The following GRIK3 variants were observed in gnomAD, a reference collection of about 807,000 sequenced individuals.
GRIK3 encodes glutamate receptor ionotropic, kainate 3.
Under a neutral mutation model 102.5 loss-of-function variants are expected in GRIK3, and 29 were observed. The observed-to-expected ratio is 0.28, with a 90% CI of 0.21 to 0.39. The LOEUF is 0.39. Among genes scored for constraint, GRIK3 ranks in the 10% least tolerant of loss-of-function variants. The pLI, the probability that GRIK3 is intolerant of heterozygous loss-of-function variation, is 1.00. For synonymous variants in GRIK3, 511 were observed against 504.9 expected, an observed-to-expected ratio of 1.01 and a Z score of -0.16; for missense variants, 908 against 1,252.4, an observed-to-expected ratio of 0.73 and a Z score of 4.15.
intron 1 of GRIK3, among the ~76,000 whole-genome samples, chr1:36,909,153 G>A (rs1203804894): frequency 6.6e-6 from 1 of 152,190 alleles, no homozygotes; most frequent in African/African-American, 2.4e-5. Context: ...ACGTGCTGCA[G>A]CCGGCTAGTA....
chr1:36,934,902 G>T lies in GRIK3; in HGVS notation c.116-43806C>A, dbSNP rs559758173. On this transcript the variant is annotated intron_variant, in intron 1 of 15. Coordinates refer to ENST00000373091, the MANE Select transcript of GRIK3 (RefSeq NM_000831.4). Reference sequence around the variant, plus strand: ...GCCTCCCTCCTGGCTCCCCTCTCTGGCACCTATGTCTACTTTTCTTCTCCA... The same window carrying T: ...GCCTCCCTCCTGGCTCCCCTCTCTGTCACCTATGTCTACTTTTCTTCTCCA... Among the ~76,000 whole-genome samples, 23 of 152,042 alleles carry T rather than the reference G, an allele frequency of 1.5e-4. No homozygotes were observed. In the South Asian group the frequency reaches 4.6e-3, roughly 30 times the overall value.
chr1:36,926,702 T>C (rs1641531811), intron 1 of GRIK3, among the ~76,000 whole-genome samples: 1 of 152,154 alleles, frequency 6.6e-6, no homozygotes, highest in East Asian at 1.9e-4. Context: ...CTCCCCACTT[T>C]TTAAGCAGGA....
At chr1:36,948,954 G>T (rs894280050) in intron 1 of GRIK3, among the ~76,000 whole-genome samples, 2 of 152,194 alleles carry the variant, frequency 1.3e-5, no homozygotes, top group African/African-American at 4.8e-5. Context: ...GGCACCAAGC[G>T]CAGCTCCTGG....
chr1:36,990,632 T>C (rs1044448802), intron 1 of GRIK3, among the ~76,000 whole-genome samples: 2 of 152,108 alleles, frequency 1.3e-5, no homozygotes, highest in African/African-American at 2.4e-5. Flanking sequence ...AGGAGAAAAA[T>C]AAAACTTATT....
At position 36,801,726 on chromosome 1, in the gene GRIK3, TG is replaced by T; in HGVS notation, c.*124del. On this transcript the variant is annotated 3_prime_UTR_variant, in exon 16 of 16. Coordinates refer to ENST00000373091, the MANE Select transcript of GRIK3 (RefSeq NM_000831.4). ...CTGGCAGGTAAGGGCAGGAGGCTCCTGGCCCAACAGGCAGGTGGCAGCTCTG... is the reference window on the plus strand; with the variant it reads ...CTGGCAGGTAAGGGCAGGAGGCTCCTGCCCAACAGGCAGGTGGCAGCTCTG... 1.3e-6 allele frequency: 1 copy of T among 768,940 alleles called. No individual in the cohort carries two copies. The highest frequency in any genetic ancestry group is 2.0e-6 in the Non-Finnish European group (1 of 509,012). The allele number at this position is 768,940 out of a possible 1,614,324, so 47.6% of individuals were successfully genotyped here.
intron 1 of GRIK3, among the ~76,000 whole-genome samples, chr1:37,021,073 T>C (rs1329878433): frequency 6.6e-6 from 1 of 151,742 alleles, no homozygotes. Context: ...ACTGCAAATG[T>C]AAAACTTCAA....
intron 1 of GRIK3, among the ~76,000 whole-genome samples, chr1:36,942,097 G>T (rs1641727136): frequency 6.6e-6 from 1 of 152,222 alleles, no homozygotes; most frequent in South Asian, 2.1e-4. Context: ...TTGCCAGCCT[G>T]GGGTTGGGAG....
intron 1 of GRIK3, among the ~76,000 whole-genome samples, chr1:36,918,693 A>G (rs1431622992): frequency 6.6e-6 from 1 of 152,000 alleles, no homozygotes; most frequent in African/African-American, 2.4e-5. Context: ...TTCATCTTTC[A>G]TTCAGCATTT....
chr1:36,842,786 A>G (rs368929406), intron 9 of GRIK3, among the ~76,000 whole-genome samples: 19 of 152,200 alleles, frequency 1.2e-4, no homozygotes, highest in African/African-American at 4.6e-4. Context: ...CATTTTATAG[A>G]TGCAGAAAGT....
rs1293739565 is a variant in GRIK3, at chr1:36,825,797, G to A, written c.1560C>T (p.Thr520=). The change falls in exon 11 of 16, where the codon ACC becomes ACT. Residue 520 remains threonine, a synonymous_variant. Coordinates refer to ENST00000373091, the MANE Select transcript of GRIK3 (RefSeq NM_000831.4). ...TGGCCTTCTCTCGAACATGGGTGAT[G>A]GTCAGGGGGGCCACGGCCAGATCTG... is the stretch of plus-strand genomic sequence containing the variant. ...HKADLAVAPL[T]ITHVREKAID... is the part of the protein sequence containing the mutation. The A allele has an allele frequency of 1.9e-6, 3 of 1,612,540 alleles. No individual in the cohort carries two copies. The African/African-American group carries it at 4.0e-5, about 22-fold the overall frequency.
Position 36,805,253 on chromosome 1 carries a change from G to A in GRIK3, c.2315-16C>T, listed in dbSNP as rs772031685. ...TATGGGGAGCCTGAGCAGGGAGAAG[G>A]GACCCCTAGCCATCAGTGGCGTGTG... On this transcript the variant is annotated splice_polypyrimidine_tract_variant and intron_variant, in intron 14 of 15. Coordinates refer to ENST00000373091, the MANE Select transcript of GRIK3 (RefSeq NM_000831.4). The A allele has an allele frequency of 1.3e-6, 2 of 1,594,494 alleles. No individual in the cohort carries two copies. Among genetic ancestry groups the A allele is most frequent in the Non-Finnish European group, 1.7e-6 (2 of 1,170,116 alleles).
chr1:37,021,532 T>C (rs1055302635), intron 1 of GRIK3, among the ~76,000 whole-genome samples: 2 of 152,198 alleles, frequency 1.3e-5, no homozygotes, highest in Admixed American at 6.5e-5. Flanking sequence ...ACAGTCCCCA[T>C]AGACCAGCCA....
chr1:36,830,810 CAAAAAAAAAAA>C, intron 10 of GRIK3, among the ~76,000 whole-genome samples: 1 of 41,362 alleles, frequency 2.4e-5, no homozygotes, highest in South Asian at 9.7e-4. Flanking sequence ...GACTCTGTCT[CAAAAAAAAAAA>C]AAAAAAAAAA....
At chr1:36,889,715 G>A (rs1295721169) in intron 2 of GRIK3, among the ~76,000 whole-genome samples, 2 of 152,090 alleles carry the variant, frequency 1.3e-5, no homozygotes, top group African/African-American at 4.8e-5. Flanking sequence ...TCTGCCCTGG[G>A]GTTCCCTGCC....
At chr1:36,865,904 G>A (rs949878817) in intron 5 of GRIK3, among the ~76,000 whole-genome samples, 2 of 152,188 alleles carry the variant, frequency 1.3e-5, no homozygotes, top group Non-Finnish European at 2.9e-5. Flanking sequence ...TAAAGTGACA[G>A]GGTCTGGCTC....
At chr1:36,949,175 G>A (rs1311283325) in intron 1 of GRIK3, among the ~76,000 whole-genome samples, 1 of 152,214 alleles carries the variant, frequency 6.6e-6, no homozygotes, top group African/African-American at 2.4e-5. Context: ...ACAAACTTGG[G>A]CCCTGGCCCC....
chr1:36,867,336 T>C (rs553719), intron 5 of GRIK3, among the ~76,000 whole-genome samples: 137,493 of 152,090 alleles, frequency 0.9, 62,439 homozygotes, highest in East Asian at 0.97. Context: ...GGCACCATAG[T>C]TATCTGGGGC....
intron 2 of GRIK3, among the ~76,000 whole-genome samples, chr1:36,883,538 A>T (rs1305422391): frequency 6.6e-6 from 1 of 152,222 alleles, no homozygotes; most frequent in Non-Finnish European, 1.5e-5. Context: ...GACCCAAGGA[A>T]GAGGCCCACG....
At chr1:37,023,793 C>T (rs1281143331) in intron 1 of GRIK3, among the ~76,000 whole-genome samples, 3 of 152,200 alleles carry the variant, frequency 2.0e-5, no homozygotes, top group Non-Finnish European at 2.9e-5. Context: ...CACTTAACCT[C>T]TCTAACACAG....
Sources: allele counts gnomAD v4.1 joint callset (sites outside exome capture counted in the v4.1 genomes callset), GRCh38; gene constraint gnomAD v4.1.1; transcripts MANE v1.5; gene names NCBI Gene and HGNC (gene_info 2026-07-23, HGNC 2026-07-21).